PDE8B: variants seen among roughly 807,000 people sequenced by gnomAD.
The protein encoded by PDE8B is high affinity cAMP-specific and IBMX-insensitive 3',5'-cyclic phosphodiesterase 8B.
PDE8B carries 26 observed loss-of-function variants against 101.3 expected under a neutral mutation model. That is an observed-to-expected ratio of 0.26 (90% confidence interval 0.19 to 0.36). The LOEUF (loss-of-function observed/expected upper bound fraction) is 0.36. Ranked by LOEUF, PDE8B falls within the 10% of genes least tolerant of loss-of-function variation. PDE8B has a pLI of 1.00. For synonymous variants in PDE8B, 424 were observed against 429.3 expected, an observed-to-expected ratio of 0.99 and a Z score of 0.15; for missense variants, 810 against 1,163.1, an observed-to-expected ratio of 0.70 and a Z score of 4.42.
At chr5:77,121,165 A>T in the PDE8B span, among the ~76,000 whole-genome samples, 1 of 152,202 alleles carries the variant, frequency 6.6e-6, no homozygotes, top group Non-Finnish European at 1.5e-5. Flanking sequence ...GTTCTAGCTC[A>T]GGGTCTGCCA....
At chr5:77,164,290 A>T in the PDE8B span, among the ~76,000 whole-genome samples, 1 of 152,204 alleles carries the variant, frequency 6.6e-6, no homozygotes, top group Non-Finnish European at 1.5e-5. Flanking sequence ...CCTTTCATTC[A>T]TCATGGGGAT....
At chr5:77,222,044 C>T (rs1391794351) in intron 1 of PDE8B, among the ~76,000 whole-genome samples, 1 of 152,160 alleles carries the variant, frequency 6.6e-6, no homozygotes, top group East Asian at 1.9e-4. Flanking sequence ...CACAAGGCCC[C>T]CTTGCAGCTC....
chr5:77,423,772 G>A (rs1797272758), intron 20 of PDE8B, among the ~76,000 whole-genome samples: 1 of 150,466 alleles, frequency 6.6e-6, no homozygotes, highest in Non-Finnish European at 1.5e-5. Flanking sequence ...AAGTAGCTGG[G>A]ACTACAGGTG....
Position 77,309,941 on chromosome 5 carries a change from A to ACCTTTTTTTTTTTT in PDE8B, c.340-2053_340-2052insCCTTTTTTTTTTTT, listed in dbSNP as rs772985826. Reference sequence around the variant, plus strand: ...AACTGGTTTCCCTTTTTAATCATTAATCTTTTTTTTTTTTTTTTTTTTTTT... The same window carrying ACCTTTTTTTTTTTT: ...AACTGGTTTCCCTTTTTAATCATTAACCTTTTTTTTTTTTTCTTTTTTTTTTTTTTTTTTTTTTT... On this transcript the variant is annotated intron_variant, in intron 1 of 21. Transcript: ENST00000264917. Among the ~76,000 whole-genome samples the ACCTTTTTTTTTTTT allele has an allele frequency of 9.6e-5, 8 of 83,110 alleles. 1 individual carries two copies. The highest frequency in any genetic ancestry group is 3.1e-4 in the African/African-American group (6 of 19,500). The allele number at this position is 83,110 out of a possible 152,430, so 54.5% of individuals were successfully genotyped here. A position where few individuals can be genotyped will look rare whatever the true frequency, so the allele number is the denominator to read the frequency against.
At chr5:77,376,938 A>G (rs915212612) in intron 10 of PDE8B, among the ~76,000 whole-genome samples, 1 of 152,188 alleles carries the variant, frequency 6.6e-6, no homozygotes, top group Non-Finnish European at 1.5e-5. Flanking sequence ...TCTCTGGACC[A>G]TAATCTAGGA....
Position 77,336,955 on chromosome 5 carries a change from G to A in PDE8B, c.709-272G>A, listed in dbSNP as rs566897812. Among the ~76,000 whole-genome samples, 65 of 152,328 alleles carry A rather than the reference G, an allele frequency of 4.3e-4. 1 individual carries two copies. In the South Asian group the frequency reaches 0.013, roughly 30 times the overall value. Reference sequence around the variant, plus strand: ...GTGTTTCAGTCATTTACATGGCTGGGCAGGCATTCCGTGCTCTAGAGCATT... The same window carrying A: ...GTGTTTCAGTCATTTACATGGCTGGACAGGCATTCCGTGCTCTAGAGCATT... On this transcript the variant is annotated intron_variant, in intron 5 of 21. Transcript: ENST00000264917.
Position 77,376,965 on chromosome 5 carries a change from C to T in PDE8B, c.1168-23283C>T, listed in dbSNP as rs552596346. ...AATCTAGGAGGCATGTGGGTTTACA[C>T]AGAAAAGTGCCATCCGTCACTGACA... On this transcript the variant is annotated intron_variant, in intron 10 of 21. Coordinates refer to ENST00000264917, the MANE Select transcript of PDE8B (RefSeq NM_003719.5). Among the ~76,000 whole-genome samples the T allele has an allele frequency of 5.1e-4, 78 of 152,218 alleles. No homozygotes were observed. In the South Asian group the frequency reaches 6.9e-3, roughly 13 times the overall value.
intron 1 of PDE8B, chr5:77,290,261 T>A: frequency 6.4e-7 from 1 of 1,557,098 alleles, no homozygotes; most frequent in Non-Finnish European, 8.7e-7. Context: ...GCAGGCCTGC[T>A]GCCTTCATGT....
In PDE8B at chr5:77,351,200, G is replaced by T. The variant is rs370770438; in HGVS notation, c.1106+47G>T. On this transcript the variant is annotated intron_variant, in intron 9 of 21. Transcript: ENST00000264917. Reference sequence around the variant, plus strand: ...CTTTTAGCTGAAGATAAAGACTCAAGGCCCTCATGGGCATTGGGCTTGAAA... The same window carrying T: ...CTTTTAGCTGAAGATAAAGACTCAATGCCCTCATGGGCATTGGGCTTGAAA... The T allele has an allele frequency of 3.7e-4, 504 of 1,344,674 alleles. 7 individuals carry two copies. In the Middle Eastern group the frequency reaches 4.0e-3, roughly 11 times the overall value. The allele number at this position is 1,344,674 out of a possible 1,614,324, so 83.3% of individuals were successfully genotyped here.
the PDE8B span, among the ~76,000 whole-genome samples, chr5:77,089,718 C>G: frequency 6.6e-6 from 1 of 152,186 alleles, no homozygotes; most frequent in African/African-American, 2.4e-5. Context: ...GCCATACACC[C>G]ATTATGGAAA....
At chr5:77,415,859 A>T (rs971982862) in intron 17 of PDE8B, among the ~76,000 whole-genome samples, 1 of 152,200 alleles carries the variant, frequency 6.6e-6, no homozygotes, top group African/African-American at 2.4e-5. Flanking sequence ...ATGAATATTT[A>T]TCCTGAATAA....
At chr5:77,206,586 C>G (rs1245614331), upstream of PDE8B, among the ~76,000 whole-genome samples, 1 of 152,132 alleles carries the variant, frequency 6.6e-6, no homozygotes, top group Non-Finnish European at 1.5e-5. Context: ...CCTGGAGAGA[C>G]AATGAGGAGG....
At chr5:77,210,402 C>G (rs1268866203), upstream of PDE8B, 1 of 126,558 alleles carries the variant, frequency 7.9e-6, no homozygotes, top group Non-Finnish European at 1.6e-5. This position sits in a 1 kb window ranked among gnomAD's most constrained non-coding sequence, Gnocchi z 4.9. Flanking sequence ...GGGGCCCGGG[C>G]GGCTGCGGCC....
At chr5:77,422,786 T>C (rs1796950422) in intron 20 of PDE8B, among the ~76,000 whole-genome samples, 1 of 151,998 alleles carries the variant, frequency 6.6e-6, no homozygotes, top group Non-Finnish European at 1.5e-5. Flanking sequence ...ATGGCTGAAA[T>C]GTACTGTGGA....
chr5:77,223,907 G>T (rs560418572), intron 1 of PDE8B, among the ~76,000 whole-genome samples: 7 of 152,310 alleles, frequency 4.6e-5, no homozygotes, highest in African/African-American at 1.7e-4. Flanking sequence ...AGCCCAGGGT[G>T]TTAACAGTTT....
At chr5:77,102,961 G>A in the PDE8B span, among the ~76,000 whole-genome samples, 3 of 152,216 alleles carry the variant, frequency 2.0e-5, no homozygotes, top group African/African-American at 7.2e-5. Context: ...AGCTTTCCAT[G>A]TGAAGAGGAG....
At chr5:77,255,191 G>A (rs539451354) in intron 1 of PDE8B, among the ~76,000 whole-genome samples, 1 of 152,104 alleles carries the variant, frequency 6.6e-6, no homozygotes, top group Non-Finnish European at 1.5e-5. Context: ...CTTTTTGGGG[G>A]TGATTTTCAT....
At chr5:77,338,438 TAAAAA>T (rs1042475775) in intron 6 of PDE8B, among the ~76,000 whole-genome samples, 2 of 152,130 alleles carry the variant, frequency 1.3e-5, no homozygotes, top group African/African-American at 4.8e-5. Flanking sequence ...AGAAAAGTAT[TAAAAA>T]AAGAATCTCA....
At chr5:77,380,755 A>G (rs1046731014) in intron 10 of PDE8B, among the ~76,000 whole-genome samples, 10 of 152,206 alleles carry the variant, frequency 6.6e-5, no homozygotes, top group Non-Finnish European at 1.3e-4. Context: ...ACATTATTCA[A>G]ATAAGTACTG....
Sources: gnomAD v4.1 joint callset for allele counts (sites outside exome capture counted in the v4.1 genomes callset) on GRCh38, gnomAD v4.1.1 for gene constraint, Gnocchi (gnomAD v3.1) non-coding constraint, MANE v1.5 for transcripts, NCBI Gene and HGNC (gene_info 2026-07-23, HGNC 2026-07-21) for gene names.